Variants in RPTOR observed in about 807,000 individuals in gnomAD.
RPTOR encodes the protein regulatory associated protein of MTOR complex 1, also known as regulatory-associated protein of mTOR.
RPTOR carries 21 observed loss-of-function variants against 169.9 expected under a neutral mutation model. The observed-to-expected ratio is 0.12, with a 90% CI of 0.09 to 0.18. The LOEUF is 0.18. Ranked by LOEUF, RPTOR falls within the 10% of genes least tolerant of loss-of-function variation. The pLI, the probability that RPTOR is intolerant of heterozygous loss-of-function variation, is 1.00. For synonymous variants in RPTOR, 732 were observed against 753.2 expected, an observed-to-expected ratio of 0.97 and a Z score of 0.46; for missense variants, 1,133 against 1,855.9, an observed-to-expected ratio of 0.61 and a Z score of 7.16.
At chr17:80,807,654 G>GC (rs1201734616) in intron 7 of RPTOR, among the ~76,000 whole-genome samples, 1 of 151,910 alleles carries the variant, frequency 6.6e-6, no homozygotes, top group East Asian at 1.9e-4. Context: ...GCCCGGCCAA[G>GC]CCCCTTTTTT....
rs951035009 is a variant in RPTOR, at chr17:80,844,750, G to A, written c.1213-1723G>A. Among the ~76,000 whole-genome samples, 5 of 152,186 alleles carry A rather than the reference G, an allele frequency of 3.3e-5. No homozygotes were observed. Among genetic ancestry groups the A allele is most frequent in the African/African-American group, 1.2e-4 (5 of 41,440 alleles). On this transcript the variant is annotated intron_variant, in intron 10 of 33. Transcript: ENST00000306801. The surrounding 1 kb of genome is among the most constrained non-coding windows in gnomAD (Gnocchi z 4.7). ...GCCGAGAGCGCTCCTGGACTTGGGC[G>A]CACGGAGGCACCCTGTCCTGCTCCT...
At chr17:80,661,239 C>G (rs567232387) in intron 3 of RPTOR, among the ~76,000 whole-genome samples, 1 of 152,292 alleles carries the variant, frequency 6.6e-6, no homozygotes, top group African/African-American at 2.4e-5. Context: ...GCCTTGCTCT[C>G]AATGTCAGTA....
At chr17:80,720,736 G>A (rs1206266641) in intron 4 of RPTOR, among the ~76,000 whole-genome samples, 1 of 152,232 alleles carries the variant, frequency 6.6e-6, no homozygotes, top group Non-Finnish European at 1.5e-5. Context: ...AGCATCACCT[G>A]CAGGCTCACG....
chr17:80,599,922 T>C (rs1166945853), intron 1 of RPTOR, among the ~76,000 whole-genome samples: 2 of 152,214 alleles, frequency 1.3e-5, no homozygotes, highest in Non-Finnish European at 2.9e-5. Flanking sequence ...AAGTGCCACC[T>C]GGCTTCTCCT....
intron 6 of RPTOR, chr17:80,773,866 G>A (rs1334343957): frequency 2.0e-6 from 2 of 985,384 alleles, no homozygotes; most frequent in East Asian, 2.3e-4. Flanking sequence ...TTGTGCATCA[G>A]AGCTCCCTCA....
Position 80,707,746 on chromosome 17 carries a change from C to T in RPTOR, c.349-95C>T. 1 of 1,208,948 alleles carries T rather than the reference C, an allele frequency of 8.3e-7. No homozygotes were observed. The highest frequency in any genetic ancestry group is 1.2e-6 in the Non-Finnish European group (1 of 855,952). The allele number at this position is 1,208,948 out of a possible 1,614,324, so 74.9% of individuals were successfully genotyped here. A position where few individuals can be genotyped will look rare whatever the true frequency, so the allele number is the denominator to read the frequency against. ...GAGCCATGTGTCCAGGACCACACAG[C>T]TATTAACTGCAAACCCAGAGGAAAG... On this transcript the variant is annotated intron_variant, in intron 3 of 33. Coordinates refer to ENST00000306801, the MANE Select transcript of RPTOR (RefSeq NM_020761.3). The surrounding 1 kb of genome is among the most constrained non-coding windows in gnomAD (Gnocchi z 5.0).
At chr17:80,788,328 C>G (rs981835691) in intron 6 of RPTOR, among the ~76,000 whole-genome samples, 2 of 151,974 alleles carry the variant, frequency 1.3e-5, no homozygotes, top group Non-Finnish European at 2.9e-5. Context: ...TAAAATTAGC[C>G]GGGCATGGTG....
chr17:80,955,496 A>T (rs2069236517), intron 28 of RPTOR, among the ~76,000 whole-genome samples: 1 of 152,258 alleles, frequency 6.6e-6, no homozygotes, highest in South Asian at 2.1e-4. Flanking sequence ...AACAGTGAGG[A>T]ACAAAAAGAC....
intron 4 of RPTOR, among the ~76,000 whole-genome samples, chr17:80,717,385 A>C (rs147995610): frequency 6.6e-6 from 1 of 152,224 alleles, no homozygotes; most frequent in Non-Finnish European, 1.5e-5. Context: ...TGGTAATTCA[A>C]TGTTCACTGC....
intron 6 of RPTOR, among the ~76,000 whole-genome samples, chr17:80,787,865 A>G (rs1467457934): frequency 6.6e-6 from 1 of 151,962 alleles, no homozygotes; most frequent in East Asian, 1.9e-4. Context: ...GCTCTTGTGG[A>G]TTTATATCTA....
chr17:80,809,951 C>T (rs1158767288), intron 7 of RPTOR, among the ~76,000 whole-genome samples: 5 of 152,052 alleles, frequency 3.3e-5, no homozygotes, highest in Non-Finnish European at 7.4e-5. Flanking sequence ...GCAGGAGAAT[C>T]GCTTGAACCC....
intron 5 of RPTOR, among the ~76,000 whole-genome samples, chr17:80,749,393 G>A (rs56081346): frequency 1.3e-5 from 1 of 77,232 alleles, no homozygotes; most frequent in Non-Finnish European, 2.8e-5. Context: ...GTGTTTAGAC[G>A]CCGTGGCGGG....
Position 80,922,798 on chromosome 17 carries a change from C to G in RPTOR, c.2595C>G (p.Thr865=), listed in dbSNP as rs1419995485. The part of the protein sequence containing the change: ...SLTQSAPASP[T]NKGVHIHQAG... ...CGCAGTCGGCCCCCGCCAGCCCCAC[C>G]AACAAGGGCGTGCACATCCACCAGG... is the stretch of plus-strand genomic sequence containing the variant. The change falls in exon 22 of 34, where the codon ACC becomes ACG. Residue 865 remains threonine, a synonymous_variant. Coordinates refer to ENST00000306801, the MANE Select transcript of RPTOR (RefSeq NM_020761.3). The G allele has an allele frequency of 2.5e-6, 4 of 1,585,444 alleles. No individual in the cohort carries two copies. Among genetic ancestry groups the G allele is most frequent in the Non-Finnish European group, 3.4e-6 (4 of 1,170,506 alleles).
rs543472221 is a variant in RPTOR at position 80,859,171 on chromosome 17, G to A, written c.1509+1271G>A. 1.1e-4 allele frequency among the ~76,000 whole-genome samples: 16 copies of A among 152,290 alleles called. No individual in the cohort carries two copies. The South Asian group carries it at 1.5e-3, about 14-fold the overall frequency. ...TGCGGCCTAGGAGCAGGGCTGGCCC[G>A]ATGCCAAGACTGGGGACCTCGTCTA... On this transcript the variant is annotated intron_variant, in intron 13 of 33. Coordinates refer to ENST00000306801, the MANE Select transcript of RPTOR (RefSeq NM_020761.3).
chr17:80,856,080 A>C (rs2067849279), intron 12 of RPTOR, among the ~76,000 whole-genome samples: 1 of 152,186 alleles, frequency 6.6e-6, no homozygotes, highest in African/African-American at 2.4e-5. Context: ...CAAATAACTC[A>C]CAGGGAAAGT....
Position 80,545,408 on chromosome 17 carries a change from G to A in RPTOR, c.-222G>A. 1 of 451,190 alleles carries A rather than the reference G, an allele frequency of 2.2e-6. No homozygotes were observed. Among genetic ancestry groups the A allele is most frequent in the Non-Finnish European group, 4.0e-6 (1 of 253,136 alleles). 27.9% of individuals were successfully genotyped at this position (451,190 alleles called of 1,614,324 possible). ...GTGTGTCTGCGGAGCTTCTTGGGCT[G>A]CCCCATTTCCTAGCGGCCCCCACCT... On this transcript the variant is annotated 5_prime_UTR_variant, in exon 1 of 34. Coordinates refer to ENST00000306801, the MANE Select transcript of RPTOR (RefSeq NM_020761.3).
chr17:80,860,164 T>C lies in RPTOR; in HGVS notation c.1509+2264T>C, dbSNP rs1006318967. Reference sequence around the variant, plus strand: ...CCCCAGGCCACATTCTGTCAGCTCCTCCGTCCAGTCACTGGCACTGAGACC... The same window carrying C: ...CCCCAGGCCACATTCTGTCAGCTCCCCCGTCCAGTCACTGGCACTGAGACC... On this transcript the variant is annotated intron_variant, in intron 13 of 33. Transcript: ENST00000306801. The surrounding 1 kb of genome is among the most constrained non-coding windows in gnomAD (Gnocchi z 5.8). Among the ~76,000 whole-genome samples the C allele has an allele frequency of 2.0e-5, 3 of 152,208 alleles. No homozygotes were observed. Among genetic ancestry groups the C allele is most frequent in the Admixed American group, 6.5e-5 (1 of 15,290 alleles).
At chr17:80,881,670 A>C (rs1239589217) in intron 14 of RPTOR, among the ~76,000 whole-genome samples, 2 of 152,140 alleles carry the variant, frequency 1.3e-5, no homozygotes, top group Non-Finnish European at 2.9e-5. Flanking sequence ...AATACAAAAA[A>C]ATTTGTCTGG....
intron 13 of RPTOR, 95 bp from the exon 14 acceptor site, chr17:80,880,320 A>G: frequency 9.9e-7 from 1 of 1,011,880 alleles, no homozygotes; most frequent in Non-Finnish European, 1.6e-6. Context: ...GAGGTATAAG[A>G]AGTCCCTGCC....
Sources: allele counts gnomAD v4.1 joint callset (sites outside exome capture counted in the v4.1 genomes callset), GRCh38; gene constraint gnomAD v4.1.1; non-coding constraint Gnocchi (gnomAD v3.1); transcripts MANE v1.5; gene names NCBI Gene and HGNC (gene_info 2026-07-23, HGNC 2026-07-21).